The following MARCHF10 variants were observed in gnomAD, a reference collection of about 807,000 sequenced individuals.
MARCHF10 encodes the protein probable E3 ubiquitin-protein ligase MARCHF10.
Under a neutral mutation model 76.2 loss-of-function variants are expected in MARCHF10, and 64 were observed. That is an observed-to-expected ratio of 0.84 (90% CI 0.69 to 1.03). The LOEUF (loss-of-function observed/expected upper bound fraction) is 1.03. Ranked by LOEUF, MARCHF10 falls within the 50% of genes least tolerant of loss-of-function variation. The pLI is 0.00. For synonymous variants in MARCHF10, 340 were observed against 357.5 expected (o/e 0.95, Z 0.55); for missense variants, 875 against 958.0 (o/e 0.91, Z 1.14).
intron 9 of MARCHF10, among the ~76,000 whole-genome samples, chr17:62,706,690 C>T (rs2089615107): frequency 6.6e-6 from 1 of 152,150 alleles, no homozygotes; most frequent in Admixed American, 6.5e-5. Flanking sequence ...GGGCTCCCTT[C>T]CCCTGCACCT....
rs749812396 is a variant in MARCHF10, at chr17:62,788,484, T to C, written c.206A>G (p.Lys69Arg). The C allele has an allele frequency of 8.1e-6, 13 of 1,613,934 alleles. No homozygotes were observed. The highest frequency in any genetic ancestry group is 1.7e-6 in the Non-Finnish European group (2 of 1,180,004). Residue 69 changes from lysine to arginine, a missense_variant, in exon 3 of 11, where the codon AAA becomes AGA. By Grantham distance (26) the Lys-to-Arg change is conservative (BLOSUM62 2). Transcript: ENST00000311269. ...RSRFSSRSSS[K>R]QSSSEEDALT... ...GTCTCCCAGAATTCTTCATACCTGTTTGGAAGATGACCTGCTAGAAAACCG... is the reference window on the plus strand; with the variant it reads ...GTCTCCCAGAATTCTTCATACCTGTCTGGAAGATGACCTGCTAGAAAACCG...
intron 3 of MARCHF10, among the ~76,000 whole-genome samples, chr17:62,781,268 T>C (rs775451063): frequency 1.3e-5 from 2 of 152,194 alleles, no homozygotes; most frequent in African/African-American, 2.4e-5. Context: ...CACCAATACC[T>C]GTTGGAGCAT....
At chr17:62,735,777 C>A (rs574771159) in intron 6 of MARCHF10, 154 bp downstream of exon 6, 2 of 651,178 alleles carry the variant, frequency 3.1e-6, no homozygotes, top group East Asian at 5.7e-5. Flanking sequence ...TTAAGAGCAA[C>A]AAAACAGAGA....
chr17:62,737,349 C>T lies in MARCHF10; in HGVS notation c.536-17G>A. 6.3e-7 allele frequency: 1 copy of T among 1,595,702 alleles called. No homozygotes were observed. Among genetic ancestry groups the T allele is most frequent in the Non-Finnish European group, 8.5e-7 (1 of 1,175,986 alleles). ...CTACTTGATCTGCATTGAGAAAAGA[C>T]ACATTTATCGTTCCAGTAAAAGGGC... On this transcript the variant is annotated splice_polypyrimidine_tract_variant and intron_variant, in intron 5 of 10. Transcript: ENST00000311269.
At chr17:62,752,053 C>T (rs2091913062) in intron 4 of MARCHF10, among the ~76,000 whole-genome samples, 1 of 151,614 alleles carries the variant, frequency 6.6e-6, no homozygotes. Context: ...GAAAAGAAAA[C>T]CATTACCTAT....
chr17:62,715,644 A>G (rs554935420), intron 8 of MARCHF10, among the ~76,000 whole-genome samples: 1 of 152,350 alleles, frequency 6.6e-6, no homozygotes, highest in African/African-American at 2.4e-5. Flanking sequence ...AGGAGAAAGG[A>G]GGGCTGTACT....
chr17:62,748,413 C>T (rs1029910945), intron 4 of MARCHF10, among the ~76,000 whole-genome samples: 1 of 151,232 alleles, frequency 6.6e-6, no homozygotes, highest in Non-Finnish European at 1.5e-5. Context: ...CAAAAACAAA[C>T]AAACAAACAA....
At chr17:62,746,733 A>G in intron 4 of MARCHF10, 1 of 669,614 alleles carries the variant, frequency 1.5e-6, no homozygotes, top group Non-Finnish European at 2.5e-6. Flanking sequence ...ACCTGGCCCC[A>G]AGGTCCTGAG....
intron 4 of MARCHF10, among the ~76,000 whole-genome samples, chr17:62,747,323 A>T (rs569590867): frequency 6.6e-6 from 1 of 152,330 alleles, no homozygotes; most frequent in Non-Finnish European, 1.5e-5. Context: ...TTCTTGTTCA[A>T]AAAAACTGCT....
At position 62,721,838 on chromosome 17, in the gene MARCHF10, A is replaced by AT. The variant is rs199957187; in HGVS notation, c.2214+649dup. On this transcript the variant is annotated intron_variant, in intron 8 of 10. Transcript: ENST00000311269. ...AGGGACCATTTCCTCCAAGACCCTG[A>AT]TTTTTTTTTCTCTTGTTATTAAATT... Among the ~76,000 whole-genome samples the AT allele has an allele frequency of 2.0e-3, 302 of 151,638 alleles. 1 individual carries two copies. The highest frequency in any genetic ancestry group is 7.2e-3 in the African/African-American group (296 of 41,336).
At position 62,712,277 on chromosome 17, in the gene MARCHF10, C is replaced by A. The variant is rs571361142; in HGVS notation, c.2215-933G>T. ...GAGTCCCCAGCAGAGGGCATGGCCC[C>A]TTCCGTCACCCTTGGGAAAGCTTGC... On this transcript the variant is annotated intron_variant, in intron 8 of 10. Transcript: ENST00000311269. The surrounding 1 kb of genome is among the most constrained non-coding windows in gnomAD (Gnocchi z 4.2). Among the ~76,000 whole-genome samples, 1 of 152,262 alleles carries A rather than the reference C, an allele frequency of 6.6e-6. No individual in the cohort carries two copies.
At chr17:62,763,804 CAAAGCCA>C (rs1470811466) in intron 3 of MARCHF10, among the ~76,000 whole-genome samples, 1 of 152,196 alleles carries the variant, frequency 6.6e-6, no homozygotes, top group African/African-American at 2.4e-5. Flanking sequence ...AAAGTTCTAA[CAAAGCCA>C]TGTTAACTAA....
chr17:62,702,230 G>A (rs940027358), intron 10 of MARCHF10, among the ~76,000 whole-genome samples: 2 of 152,084 alleles, frequency 1.3e-5, no homozygotes, highest in East Asian at 1.9e-4. Context: ...GCACTGGGAC[G>A]CAGTGCAGTC....
chr17:62,757,589 T>A (rs1182518012), intron 4 of MARCHF10, among the ~76,000 whole-genome samples: 1 of 152,180 alleles, frequency 6.6e-6, no homozygotes, highest in Non-Finnish European at 1.5e-5. Context: ...ATCGATGCTT[T>A]GTTTTTAGCC....
chr17:62,765,815 C>T (rs532932254), intron 3 of MARCHF10, among the ~76,000 whole-genome samples: 9 of 152,238 alleles, frequency 5.9e-5, no homozygotes, highest in Admixed American at 5.9e-4. Context: ...GGACACCTGT[C>T]TGTAGTATTA....
chr17:62,781,104 T>C (rs778698625), intron 3 of MARCHF10: 1 of 152,224 alleles, frequency 6.6e-6, no homozygotes, highest in Non-Finnish European at 1.5e-5. Flanking sequence ...CCACTATTTA[T>C]TTCCCTGTTA....
At position 62,716,944 on chromosome 17, in the gene MARCHF10, G is replaced by A. The variant is rs191100985; in HGVS notation, c.2214+5544C>T. On this transcript the variant is annotated intron_variant, in intron 8 of 10. Transcript: ENST00000311269. ...GCCCAGGTGAGCCAGGTTTGGAAGC[G>A]AGGGGAAGGGACCAGGCCCACAAGG... Among the ~76,000 whole-genome samples, 405 of 152,282 alleles carry A rather than the reference G, an allele frequency of 2.7e-3. 4 individuals carry two copies. Among genetic ancestry groups the A allele is most frequent in the African/African-American group, 9.3e-3 (385 of 41,560 alleles).
At chr17:62,718,896 C>T (rs1237040781) in intron 8 of MARCHF10, among the ~76,000 whole-genome samples, 1 of 152,120 alleles carries the variant, frequency 6.6e-6, no homozygotes, top group African/African-American at 2.4e-5. Context: ...TTTCTCTAAC[C>T]TCCTGATGCC....
In MARCHF10 at chr17:62,701,541, CTCAAG is replaced by C. The variant is rs2089233480; in HGVS notation, c.*157_*161del. 2.0e-5 allele frequency: 30 copies of C among 1,500,210 alleles called. No individual in the cohort carries two copies. The East Asian group carries it at 6.5e-4, about 33-fold the overall frequency. The allele number at this position is 1,500,210 out of a possible 1,614,324, so 92.9% of individuals were successfully genotyped here. A position where few individuals can be genotyped will look rare whatever the true frequency, so the allele number is the denominator to read the frequency against. On this transcript the variant is annotated 3_prime_UTR_variant, in exon 11 of 11. Transcript: ENST00000311269. The stretch of plus-strand genomic sequence containing the variant: ...TGGTCGCTGTGGCTGCCCATAGATG[CTCAAG>C]CCAGACCCCAAAAGAGAGTGGCACG...
Sources: gnomAD v4.1 joint callset for allele counts (sites outside exome capture counted in the v4.1 genomes callset) on GRCh38, gnomAD v4.1.1 for gene constraint, Gnocchi (gnomAD v3.1) non-coding constraint, MANE v1.5 for transcripts, NCBI Gene and HGNC (gene_info 2026-07-23, HGNC 2026-07-21) for gene names.